The following MCCC2 variants were observed in gnomAD, a reference collection of about 807,000 sequenced individuals.
MCCC2 encodes methylcrotonyl-CoA carboxylase subunit 2, also known as methylcrotonoyl-CoA carboxylase beta chain, mitochondrial.
A neutral mutation model predicts 77.2 loss-of-function variants in MCCC2; 52 were observed. The ratio of observed to expected loss-of-function variants is 0.67; its 90% CI spans 0.54 to 0.85. MCCC2 has a LOEUF of 0.85. MCCC2 is among the 40% of genes least tolerant of loss of function. MCCC2 has a pLI of 0.00. For synonymous variants in MCCC2, 253 were observed against 248.4 expected (o/e 1.02, Z -0.18); for missense variants, 682 against 703.2 (o/e 0.97, Z 0.34).
chr5:71,596,353 C>G lies in MCCC2; in HGVS notation c.270C>G (p.Leu90=), dbSNP rs1227273478. 9 of 1,614,068 alleles carry G rather than the reference C, an allele frequency of 5.6e-6. No homozygotes were observed. Among genetic ancestry groups the G allele is most frequent in the Non-Finnish European group, 7.6e-6 (9 of 1,179,966 alleles). ...KLLPRERIDN[L]IDPGSPFLEL... is the part of the protein sequence containing the mutation. The stretch of plus-strand genomic sequence containing the variant: ...TGCCCAGAGAAAGAATTGACAATCT[C>G]ATAGACCCAGGGTGCGTACATAGCC... Residue 90 remains leucine (L), a synonymous_variant, in exon 3 of 17, where the codon CTC becomes CTG. Coordinates refer to ENST00000340941, the MANE Select transcript of MCCC2 (RefSeq NM_022132.5).
intron 6 of MCCC2, among the ~76,000 whole-genome samples, chr5:71,619,457 A>G (rs922733640): frequency 6.6e-5 from 10 of 152,018 alleles, no homozygotes; most frequent in South Asian, 4.2e-4. Context: ...GAATCTCACT[A>G]TGTTGCCCAG....
chr5:71,613,111 G>A (rs187977728), intron 6 of MCCC2, among the ~76,000 whole-genome samples: 1 of 152,266 alleles, frequency 6.6e-6, no homozygotes, highest in Non-Finnish European at 1.5e-5. Flanking sequence ...AAGAACACTT[G>A]TCACTGGATT....
rs137979624 is a variant in MCCC2 at position 71,633,091 on chromosome 5, TTATATATATATATATATA to T, written c.803+930_803+947del. 7.2e-3 allele frequency among the ~76,000 whole-genome samples: 604 copies of T among 84,236 alleles called. 28 individuals carry two copies. Among genetic ancestry groups the T allele is most frequent in the South Asian group, 7.3e-3 (19 of 2,602 alleles). The allele number at this position is 84,236 out of a possible 152,430, so 55.3% of individuals were successfully genotyped here. ...GAGGAGGAGGGTTTTTTTTTCAGTT[TTATATATATATATATATA>T]TATATATATATATATATATATATTT... On this transcript the variant is annotated intron_variant, in intron 8 of 16. Transcript: ENST00000340941.
rs1273428358 is a variant in MCCC2, at chr5:71,658,557, A to G, written c.*1697A>G. The G allele has an allele frequency of 1.3e-5, 2 of 152,254 alleles. No individual in the cohort carries two copies. Among genetic ancestry groups the G allele is most frequent in the Non-Finnish European group, 2.9e-5 (2 of 68,048 alleles). 9.4% of individuals were successfully genotyped at this position (152,254 alleles called of 1,614,324 possible). On this transcript the variant is annotated 3_prime_UTR_variant, in exon 17 of 17. Transcript: ENST00000340941. ...TTACCCTGTACCTCCAATGTCTGGC[A>G]CTTGTAGGTGCTCAAATATTCGTTG...
chr5:71,648,182 G>T (rs559957773), intron 13 of MCCC2, among the ~76,000 whole-genome samples: 1 of 152,344 alleles, frequency 6.6e-6, no homozygotes, highest in East Asian at 1.9e-4. Flanking sequence ...TGAATTGGAT[G>T]ACCAGATACT....
At chr5:71,611,420 A>C (rs1489016069) in intron 6 of MCCC2, among the ~76,000 whole-genome samples, 20 of 152,208 alleles carry the variant, frequency 1.3e-4, no homozygotes, top group Admixed American at 1.3e-3. Flanking sequence ...AAAAGAAAAG[A>C]AAAGTTCATT....
chr5:71,602,827 C>G, intron 5 of MCCC2, 194 bp downstream of exon 5: 4 of 712,126 alleles, frequency 5.6e-6, no homozygotes, highest in Non-Finnish European at 9.0e-6. Context: ...AGTACTAGTG[C>G]ATAATACTCA....
At chr5:71,589,106 AG>A (rs1744871461) in intron 1 of MCCC2, among the ~76,000 whole-genome samples, 1 of 152,118 alleles carries the variant, frequency 6.6e-6, no homozygotes, top group Non-Finnish European at 1.5e-5. Flanking sequence ...TGTATGTAGG[AG>A]GGGGGCATAA....
intron 8 of MCCC2, among the ~76,000 whole-genome samples, chr5:71,633,119 A>ATTTTTT (rs1188256414): frequency 7.0e-5 from 2 of 28,716 alleles, no homozygotes; most frequent in African/African-American, 9.2e-5. Context: ...ATATATATAT[A>ATTTTTT]TATATATATA....
rs903456742 is a variant in MCCC2, at chr5:71,657,250, A to G, written c.*390A>G. On this transcript the variant is annotated 3_prime_UTR_variant, in exon 17 of 17. Transcript: ENST00000340941. ...TGCTGGTTATGCTTGGTGATATTTTAGCGGGCTTATTTTTGAAAGGCATCT... is the reference window on the plus strand; with the variant it reads ...TGCTGGTTATGCTTGGTGATATTTTGGCGGGCTTATTTTTGAAAGGCATCT... 4.2e-6 allele frequency: 1 copy of G among 235,702 alleles called. No individual in the cohort carries two copies. Among genetic ancestry groups the G allele is most frequent in the African/African-American group, 2.3e-5 (1 of 43,044 alleles). The allele number at this position is 235,702 out of a possible 1,614,324, so 14.6% of individuals were successfully genotyped here. A position where few individuals can be genotyped will look rare whatever the true frequency, so the allele number is the denominator to read the frequency against.
chr5:71,605,944 T>C (rs1420735062), intron 6 of MCCC2, among the ~76,000 whole-genome samples: 6 of 152,246 alleles, frequency 3.9e-5, no homozygotes, highest in African/African-American at 1.4e-4. Flanking sequence ...ATCTCTGTTT[T>C]GGTACCAATA....
rs1554138265 is a variant in MCCC2 at position 71,646,279 on chromosome 5, T to A, written c.1216+2T>A. ...TGCTGTTCCTTCAAAACATTACTGGTAAGAAAATAGCTTAATCAGTTTGGT... is the reference window on the plus strand; with the variant it reads ...TGCTGTTCCTTCAAAACATTACTGGAAAGAAAATAGCTTAATCAGTTTGGT... On this transcript the variant is annotated splice_donor_variant, in intron 13 of 16. Coordinates refer to ENST00000340941, the MANE Select transcript of MCCC2 (RefSeq NM_022132.5). LOFTEE classifies it high-confidence loss of function. 1 of 1,613,502 alleles carries A rather than the reference T, an allele frequency of 6.2e-7. No individual in the cohort carries two copies. Among genetic ancestry groups the A allele is most frequent in the Non-Finnish European group, 8.5e-7 (1 of 1,179,592 alleles).
chr5:71,635,175 C>G lies in MCCC2; in HGVS notation c.928C>G (p.Pro310Ala). The change falls in exon 10 of 17, where the codon CCT (proline) becomes GCT (alanine). Residue 310 changes from proline to alanine, a missense_variant. Pro to Ala is a conservative substitution (Grantham distance 27). Transcript: ENST00000340941. ...LDVTIEPSEE[P>A]LFPADELYGI... The stretch of plus-strand genomic sequence containing the variant: ...GGTCACCATTGAACCTTCTGAAGAG[C>G]CTTTATTTCCTGCTGATGAATTGTA... 2 of 1,614,078 alleles carry G rather than the reference C, an allele frequency of 1.2e-6. No homozygotes were observed. Among genetic ancestry groups the G allele is most frequent in the Non-Finnish European group, 1.7e-6 (2 of 1,179,992 alleles).
rs1745040686 is a variant in MCCC2, at chr5:71,592,979, G to A, written c.183G>A (p.Glu61=). The A allele has an allele frequency of 2.5e-6, 4 of 1,613,168 alleles. No homozygotes were observed. The highest frequency in any genetic ancestry group is 3.4e-6 in the Non-Finnish European group (4 of 1,179,316). The change falls in exon 2 of 17, where the codon GAG becomes GAA. Residue 61 remains glutamate (E), a synonymous_variant. Transcript: ENST00000340941. The stretch of plus-strand genomic sequence containing the variant: ...TAAATCAGCTCCATGAACGAGTGGA[G>A]CATATAAAACTAGGTAAACACAGCA... ...ALVNQLHERV[E]HIKLGGGEKA...
chr5:71,612,573 G>T (rs1745998932), intron 6 of MCCC2, among the ~76,000 whole-genome samples: 1 of 152,076 alleles, frequency 6.6e-6, no homozygotes, highest in South Asian at 2.1e-4. Context: ...GGCCAGGCTG[G>T]TCTCAAATTC....
chr5:71,625,171 T>G (rs1321238939), intron 6 of MCCC2, among the ~76,000 whole-genome samples: 1 of 152,232 alleles, frequency 6.6e-6, no homozygotes, highest in Non-Finnish European at 1.5e-5. Context: ...TTTTGAAAAC[T>G]GTTCCTTTTT....
chr5:71,614,640 T>C (rs1421738454), intron 6 of MCCC2, among the ~76,000 whole-genome samples: 3 of 151,964 alleles, frequency 2.0e-5, no homozygotes, highest in Non-Finnish European at 4.4e-5. Context: ...CATGCCATCA[T>C]GCCCAGCTAA....
At chr5:71,590,583 G>A (rs1338657556) in intron 1 of MCCC2, among the ~76,000 whole-genome samples, 3 of 152,130 alleles carry the variant, frequency 2.0e-5, no homozygotes, top group East Asian at 1.9e-4. Context: ...TTGGGAGGCC[G>A]AGGCTGGTGG....
chr5:71,594,894 CTCTCT>C (rs1157890803), intron 2 of MCCC2, among the ~76,000 whole-genome samples: 2 of 60,450 alleles, frequency 3.3e-5, no homozygotes, highest in Admixed American at 2.4e-4. Context: ...TCTTAAGTCT[CTCTCT>C]TTTTTTTTTT....
Sources: gnomAD v4.1 joint callset for allele counts (sites outside exome capture counted in the v4.1 genomes callset) on GRCh38, gnomAD v4.1.1 for gene constraint, MANE v1.5 for transcripts, NCBI Gene and HGNC (gene_info 2026-07-23, HGNC 2026-07-21) for gene names.